The following LARGE1 variants were observed in gnomAD, a reference collection of about 807,000 sequenced individuals.
LARGE1 encodes the protein LARGE xylosyl- and glucuronyltransferase 1.
Under a neutral mutation model 87.6 loss-of-function variants are expected in LARGE1, and 43 were observed. That is an observed-to-expected ratio of 0.49 (90% CI 0.38 to 0.63). The LOEUF is 0.63. Among genes scored for constraint, LARGE1 ranks in the 30% least tolerant of loss-of-function variants. LARGE1 has a pLI of 0.00. For missense variants in LARGE1, 802 were observed against 1,000.2 expected, an observed-to-expected ratio of 0.80 and a Z score of 2.67; for synonymous variants, 434 against 394.6, an observed-to-expected ratio of 1.10 and a Z score of -1.18.
intron 11 of LARGE1, among the ~76,000 whole-genome samples, chr22:33,308,285 C>T (rs918530580): frequency 9.2e-5 from 14 of 152,162 alleles, no homozygotes; most frequent in African/African-American, 2.9e-4. Flanking sequence ...GGGGAACTCA[C>T]ACCCACCAAG....
chr22:33,253,092 A>G (rs1199299249), intron 11 of LARGE1, among the ~76,000 whole-genome samples: 1 of 151,978 alleles, frequency 6.6e-6, no homozygotes, highest in Non-Finnish European at 1.5e-5. Context: ...AGGAGAATGA[A>G]CAGACGTGTC....
At position 33,316,116 on chromosome 22, in the gene LARGE1, C is replaced by T. The variant is rs150861748; in HGVS notation, c.1420G>A (p.Val474Ile). The change falls in exon 11 of 15, where the codon GTC becomes ATC. Residue 474 changes from valine to isoleucine, a missense_variant. Val to Ile is a conservative substitution (Grantham distance 29). This residue lies in a region of LARGE1 where 625 missense variants were observed against 841.9 expected (regional missense o/e 0.74). Transcript: ENST00000397394. ...EYEPAADSTD[V>I]TLVAQLSMDR... Reference sequence around the variant, plus strand: ...ATGGACAGCTGAGCGACCAGGGTGACGTCCGTGCTGTCTGCTGCAGGCTCA... The same window carrying T: ...ATGGACAGCTGAGCGACCAGGGTGATGTCCGTGCTGTCTGCTGCAGGCTCA... The T allele has an allele frequency of 1.6e-3, 2,653 of 1,613,966 alleles. 6 individuals carry two copies. The highest frequency in any genetic ancestry group is 2.1e-3 in the Non-Finnish European group (2,434 of 1,179,940).
chr22:33,614,922 C>G (rs1266444505), intron 4 of LARGE1, among the ~76,000 whole-genome samples: 1 of 152,214 alleles, frequency 6.6e-6, no homozygotes, highest in African/African-American at 2.4e-5. Flanking sequence ...TGAGCATGCT[C>G]TCCTGGCAGG....
the LARGE1 span, among the ~76,000 whole-genome samples, chr22:33,067,824 C>CA: frequency 2.0e-5 from 3 of 151,996 alleles, no homozygotes; most frequent in African/African-American, 7.3e-5. Flanking sequence ...ACTAAAAATA[C>CA]AAAAAATTAG....
At chr22:33,094,780 G>A in the LARGE1 span, among the ~76,000 whole-genome samples, 5 of 152,276 alleles carry the variant, frequency 3.3e-5, no homozygotes, top group South Asian at 6.2e-4. Flanking sequence ...GCGCAATGGC[G>A]CGATGTTGGC....
At chr22:33,086,044 G>A in the LARGE1 span, among the ~76,000 whole-genome samples, 2 of 152,114 alleles carry the variant, frequency 1.3e-5, no homozygotes, top group Admixed American at 1.3e-4. Context: ...TGTATATACT[G>A]AAGAATTTTA....
intron 2 of LARGE1, chr22:33,733,275 G>C (rs1475672708): frequency 2.0e-5 from 3 of 152,142 alleles, no homozygotes; most frequent in African/African-American, 4.8e-5. Flanking sequence ...TTTAATTCCT[G>C]GTCCTGGGCT....
At chr22:33,878,075 AAAAATATGACCACT>A in intron 1 of LARGE1, among the ~76,000 whole-genome samples, 1 of 150,164 alleles carries the variant, frequency 6.7e-6, no homozygotes. Context: ...TTACCTTTTT[AAAAATATGACCACT>A]AAAATATTTA....
At chr22:33,421,215 AATCAATCAATC>A (rs1569149124) in intron 7 of LARGE1, among the ~76,000 whole-genome samples, 2 of 70,936 alleles carry the variant, frequency 2.8e-5, no homozygotes, top group Non-Finnish European at 6.7e-5. Flanking sequence ...AAATAAAATC[AATCAATCAATC>A]AATCAATCAA....
chr22:33,686,214 G>A (rs1161700394), intron 2 of LARGE1, among the ~76,000 whole-genome samples: 1 of 152,084 alleles, frequency 6.6e-6, no homozygotes, highest in Non-Finnish European at 1.5e-5. Context: ...CGGGCCCTGA[G>A]ATGCTCAATG....
chr22:33,534,370 C>T (rs2076983403), intron 6 of LARGE1, among the ~76,000 whole-genome samples: 1 of 151,660 alleles, frequency 6.6e-6, no homozygotes, highest in Admixed American at 6.6e-5. Flanking sequence ...CGCCACTGCA[C>T]TCCAACCTGG....
the LARGE1 span, among the ~76,000 whole-genome samples, chr22:33,125,429 G>C: frequency 6.7e-6 from 1 of 150,092 alleles, no homozygotes; most frequent in Non-Finnish European, 1.5e-5. Context: ...GTGAAGACGA[G>C]TACACATCCT....
chr22:33,492,114 T>C (rs1427440613), intron 6 of LARGE1, among the ~76,000 whole-genome samples: 2 of 152,072 alleles, frequency 1.3e-5, no homozygotes. Flanking sequence ...GGTAGATAAA[T>C]AGGTAACAGC....
chr22:33,277,737 A>C (rs1210127206), intron 13 of LARGE1, among the ~76,000 whole-genome samples: 1 of 152,202 alleles, frequency 6.6e-6, no homozygotes, highest in East Asian at 1.9e-4. Context: ...ATAAATTTCT[A>C]TTATGTTAAG....
At chr22:33,379,531 T>C (rs1357364645) in intron 9 of LARGE1, among the ~76,000 whole-genome samples, 5 of 152,194 alleles carry the variant, frequency 3.3e-5, no homozygotes, top group East Asian at 1.9e-4. Flanking sequence ...CTATTCACAA[T>C]AGCAAAGACT....
intron 11 of LARGE1, among the ~76,000 whole-genome samples, chr22:33,213,081 A>G (rs1019915621): frequency 3.3e-5 from 5 of 152,000 alleles, no homozygotes; most frequent in African/African-American, 1.2e-4. Flanking sequence ...CATTAATAGG[A>G]GTTTGGAAGA....
chr22:33,774,420 G>C (rs978692289), intron 1 of LARGE1, among the ~76,000 whole-genome samples: 2 of 151,894 alleles, frequency 1.3e-5, no homozygotes, highest in African/African-American at 4.8e-5. Flanking sequence ...GCAGTGGCAC[G>C]ATCTCGGTTC....
intron 1 of LARGE1, among the ~76,000 whole-genome samples, chr22:33,780,835 AC>A (rs1207095908): frequency 1.3e-5 from 2 of 152,220 alleles, no homozygotes; most frequent in African/African-American, 4.8e-5. Flanking sequence ...AGTCTCAGGC[AC>A]CCCGGCCTCA....
intron 11 of LARGE1, among the ~76,000 whole-genome samples, chr22:33,198,002 A>G (rs1169358530): frequency 6.6e-6 from 1 of 152,130 alleles, no homozygotes; most frequent in Admixed American, 6.5e-5. Flanking sequence ...GCTGTGCAAC[A>G]AAAAGAGAAA....
Sources: gnomAD v4.1 joint callset for allele counts (sites outside exome capture counted in the v4.1 genomes callset) on GRCh38, gnomAD v4.1.1 for gene constraint, gnomAD v4.1.1 regional missense constraint, MANE v1.5 for transcripts, NCBI Gene and HGNC (gene_info 2026-07-23, HGNC 2026-07-21) for gene names.